SANBR: variants seen among roughly 807,000 people sequenced by gnomAD.
The protein encoded by SANBR is SANT and BTB domain regulator of class switch recombination.
SANBR carries 77 observed loss-of-function variants against 101.8 expected under a neutral mutation model. That is an observed-to-expected ratio of 0.76 (90% CI 0.63 to 0.91). The LOEUF (loss-of-function observed/expected upper bound fraction) is 0.91. SANBR is among the 40% of genes least tolerant of loss of function. SANBR has a pLI of 0.00. For missense variants in SANBR, 875 were observed against 853.0 expected (o/e 1.03, Z -0.32); for synonymous variants, 279 against 274.7 (o/e 1.02, Z -0.15).
intron 17 of SANBR, 103 bp from the exon 18 acceptor site, chr2:61,117,254 G>A: frequency 9.5e-7 from 1 of 1,055,562 alleles, no homozygotes; most frequent in Admixed American, 1.7e-5. Context: ...TCTTGGTACA[G>A]TGTCTTCACA....
At chr2:61,109,411 GA>G (rs1683715214) in intron 16 of SANBR, 115 bp downstream of exon 16, 18 of 499,934 alleles carry the variant, frequency 3.6e-5, no homozygotes, top group South Asian at 1.7e-4. Flanking sequence ...TTGCAACATA[GA>G]AAAAAAATTG....
chr2:61,096,944 A>T (rs951397578), intron 11 of SANBR, among the ~76,000 whole-genome samples: 1 of 152,200 alleles, frequency 6.6e-6, no homozygotes, highest in Non-Finnish European at 1.5e-5. Flanking sequence ...ACCTGAGGTC[A>T]GAAGTTCAAG....
chr2:61,137,081 G>C (rs1621048), intron 21 of SANBR, among the ~76,000 whole-genome samples: 96,559 of 151,524 alleles, frequency 0.64, 31,086 homozygotes, highest in African/African-American at 0.73. Context: ...GAGAATGTGA[G>C]ACAAGCCTAG....
downstream of SANBR, among the ~76,000 whole-genome samples, chr2:61,128,312 A>G (rs1684576724): frequency 6.6e-6 from 1 of 151,174 alleles, no homozygotes; most frequent in African/African-American, 2.4e-5. Flanking sequence ...AGAGAACCCC[A>G]GTAAGATCAA....
intron 12 of SANBR, among the ~76,000 whole-genome samples, chr2:61,102,159 G>A (rs1235081630): frequency 6.6e-6 from 1 of 151,836 alleles, no homozygotes; most frequent in East Asian, 2.0e-4. Context: ...AGATCATGAG[G>A]TCAAGAGATC....
chr2:61,117,943 C>A, intron 19 of SANBR, 85 bp from the exon 20 acceptor site: 1 of 954,690 alleles, frequency 1.0e-6, no homozygotes, highest in Non-Finnish European at 1.6e-6. Context: ...TTTCATAAAC[C>A]CTAGGTGATT....
rs747732804 is a variant in SANBR at position 61,088,429 on chromosome 2, A to G, written c.1049A>G (p.Asn350Ser). The stretch of plus-strand genomic sequence containing the variant: ...ATTCCTTGCATTCCTGGAAAAATCA[A>G]TGTGGATCGACGTGGAAATATTGTC... ...RRIPCIPGKI[N>S]VDRRGNIVYI... The change falls in exon 10 of 22, where the codon AAT (asparagine) becomes AGT (serine). Residue 350 changes from asparagine (N) to serine (S), a missense_variant. Coordinates refer to ENST00000402291, the MANE Select transcript of SANBR (RefSeq NM_001129993.3). 63 of 1,609,564 alleles carry G rather than the reference A, an allele frequency of 3.9e-5. No individual in the cohort carries two copies. The highest frequency in any genetic ancestry group is 4.8e-5 in the Non-Finnish European group (57 of 1,178,140).
intron 8 of SANBR, among the ~76,000 whole-genome samples, 182 bp from the exon 9 acceptor site, chr2:61,087,977 A>G (rs1183222572): frequency 6.6e-6 from 1 of 152,116 alleles, no homozygotes; most frequent in Non-Finnish European, 1.5e-5. Flanking sequence ...GCTTTATTTT[A>G]TTTACTTAAT....
At chr2:61,102,534 A>G (rs551752936) in intron 12 of SANBR, among the ~76,000 whole-genome samples, 1 of 151,762 alleles carries the variant, frequency 6.6e-6, no homozygotes, top group Non-Finnish European at 1.5e-5. Flanking sequence ...ACAATGACTA[A>G]ATTTTTTTTT....
downstream of SANBR, chr2:61,124,402 T>G (rs1369079820): frequency 4.0e-5 from 16 of 396,192 alleles, no homozygotes; most frequent in Non-Finnish European, 4.8e-5. Context: ...AATTTTTGAG[T>G]TTTAAGATTA....
At chr2:61,082,249 T>C (rs1682174840) in intron 7 of SANBR, among the ~76,000 whole-genome samples, 1 of 152,228 alleles carries the variant, frequency 6.6e-6, no homozygotes, top group African/African-American at 2.4e-5. Flanking sequence ...AAGCAGAGAC[T>C]AAATGAGTTT....
intron 1 of SANBR, among the ~76,000 whole-genome samples, chr2:61,066,623 C>T (rs1681183855): frequency 6.6e-6 from 1 of 152,376 alleles, no homozygotes; most frequent in African/African-American, 2.4e-5. Flanking sequence ...AGGCCAGAGG[C>T]CTTTGACCTG....
chr2:61,067,429 C>G (rs1438532509), intron 1 of SANBR, among the ~76,000 whole-genome samples: 2 of 152,088 alleles, frequency 1.3e-5, no homozygotes, highest in Non-Finnish European at 2.9e-5. Flanking sequence ...TCTACCAAGG[C>G]CCAAACAAAT....
In SANBR at chr2:61,103,847, T is replaced by C; in HGVS notation, c.1366-6T>C. 3 of 1,613,656 alleles carry C rather than the reference T, an allele frequency of 1.9e-6. No homozygotes were observed. Among genetic ancestry groups the C allele is most frequent in the Non-Finnish European group, 2.5e-6 (3 of 1,179,688 alleles). On this transcript the variant is annotated splice_polypyrimidine_tract_variant and splice_region_variant and intron_variant, in intron 12 of 21. Transcript: ENST00000402291. The stretch of plus-strand genomic sequence containing the variant: ...AACCTCTAATTTATTGTCTCTTATG[T>C]GACAGGGCTGTAAAGTGAGGGACCA...
At chr2:61,083,366 A>G (rs1353175769) in intron 8 of SANBR, 52 bp downstream of exon 8, 2 of 1,078,706 alleles carry the variant, frequency 1.9e-6, no homozygotes, top group Non-Finnish European at 2.7e-6. Flanking sequence ...AAAGAAATAT[A>G]TTTCTATTTC....
At chr2:61,073,003 T>TA (rs1488313753) in intron 4 of SANBR, among the ~76,000 whole-genome samples, 5 of 152,036 alleles carry the variant, frequency 3.3e-5, no homozygotes, top group African/African-American at 1.2e-4. Flanking sequence ...ACAGCCACTC[T>TA]TTATTATAGT....
chr2:61,097,867 T>C lies in SANBR; in HGVS notation c.1365+15T>C, dbSNP rs1683104076. The C allele has an allele frequency of 6.2e-7, 1 of 1,603,938 alleles. No homozygotes were observed. On this transcript the variant is annotated intron_variant, in intron 12 of 21. Coordinates refer to ENST00000402291, the MANE Select transcript of SANBR (RefSeq NM_001129993.3). ...AGCTTACAAAGGTGAATTTTGAATA[T>C]TGCCCTTAGTAGCTACAGTTTTTAA...
rs1186896446 is a variant in SANBR, at chr2:61,121,235, G to A, written c.2079G>A (p.Val693=). The A allele has an allele frequency of 6.4e-7, 1 of 1,551,258 alleles. No homozygotes were observed. Among genetic ancestry groups the A allele is most frequent in the South Asian group, 1.2e-5 (1 of 84,042 alleles). Residue 693 remains valine (V), a synonymous_variant, in exon 21 of 22, where the codon GTG becomes GTA. Coordinates refer to ENST00000402291, the MANE Select transcript of SANBR (RefSeq NM_001129993.3). The part of the protein sequence containing the change: ...SRLEAQIKAS[V]PVSARQSSSE... ...TGGAAGCACAAATCAAGGCCTCAGT[G>A]CCAGTTAGTGCACGCCAAAGCAGCT...
chr2:61,133,363 G>T (rs555047426), intron 20 of SANBR, among the ~76,000 whole-genome samples: 1 of 152,138 alleles, frequency 6.6e-6, no homozygotes, highest in African/African-American at 2.4e-5. Flanking sequence ...ATGTTTTGGA[G>T]CTTGATGAAG....
Sources: allele counts gnomAD v4.1 joint callset (sites outside exome capture counted in the v4.1 genomes callset), GRCh38; gene constraint gnomAD v4.1.1; transcripts MANE v1.5; gene names NCBI Gene and HGNC (gene_info 2026-07-23, HGNC 2026-07-21).